PDE8A: variants seen among roughly 807,000 people sequenced by gnomAD.
PDE8A encodes high affinity cAMP-specific and IBMX-insensitive 3',5'-cyclic phosphodiesterase 8A.
A neutral mutation model predicts 105.0 loss-of-function variants in PDE8A; 59 were observed. The observed-to-expected ratio is 0.56, with a 90% confidence interval of 0.46 to 0.70. PDE8A has a LOEUF of 0.70. Among genes scored for constraint, PDE8A ranks in the 30% least tolerant of loss-of-function variants. The probability of loss-of-function intolerance (pLI) is 0.00; values close to 1 mark genes in which losing one functional copy is unlikely to be tolerated. For synonymous variants in PDE8A, 355 were observed against 371.9 expected, an observed-to-expected ratio of 0.95 and a Z score of 0.52; for missense variants, 1,014 against 1,045.9, an observed-to-expected ratio of 0.97 and a Z score of 0.42.
At chr15:85,026,296 A>G (rs289398) in intron 1 of PDE8A, among the ~76,000 whole-genome samples, 114,376 of 151,200 alleles carry the variant, frequency 0.76, 44,246 homozygotes, top group Non-Finnish European at 0.85. Context: ...GATCATTTGG[A>G]GGCTCTTTTA....
At chr15:85,057,294 A>T (rs2081076483) in intron 1 of PDE8A, among the ~76,000 whole-genome samples, 1 of 152,126 alleles carries the variant, frequency 6.6e-6, no homozygotes. Context: ...CTGTTCTCAG[A>T]TCTCGAACTC....
Position 84,982,068 on chromosome 15 carries a change from G to C in PDE8A, c.-95G>C. The stretch of plus-strand genomic sequence containing the variant: ...CGCCGCCGCCCGCCCAGGCGGCGAT[G>C]ACACGGCGCCCGCGGCGGCCCGGAG... On this transcript the variant is annotated 5_prime_UTR_variant, in exon 1 of 22. An upstream start codon of the reference 5' UTR is lost. Transcript: ENST00000394553. 1 of 744,240 alleles carries C rather than the reference G, an allele frequency of 1.3e-6. No individual in the cohort carries two copies. Among genetic ancestry groups the C allele is most frequent in the Non-Finnish European group, 1.8e-6 (1 of 557,414 alleles). The allele number at this position is 744,240 out of a possible 1,614,324, so 46.1% of individuals were successfully genotyped here. A position where few individuals can be genotyped will look rare whatever the true frequency, so the allele number is the denominator to read the frequency against.
intron 1 of PDE8A, among the ~76,000 whole-genome samples, chr15:85,051,726 T>A (rs1342247488): frequency 6.6e-6 from 1 of 152,036 alleles, no homozygotes; most frequent in Non-Finnish European, 1.5e-5. Context: ...TGGTTTTCTG[T>A]GCCTGTTAGT....
chr15:85,050,518 C>T (rs1043737860), intron 1 of PDE8A, among the ~76,000 whole-genome samples: 1 of 152,152 alleles, frequency 6.6e-6, no homozygotes, highest in Non-Finnish European at 1.5e-5. Flanking sequence ...GGTCCAACTT[C>T]ATTCTTTGGA....
At chr15:85,039,353 C>T (rs1046990834) in intron 1 of PDE8A, among the ~76,000 whole-genome samples, 7 of 151,452 alleles carry the variant, frequency 4.6e-5, no homozygotes, top group African/African-American at 1.7e-4. Context: ...TGCTTGAGCC[C>T]GGGAGGTTGA....
intron 1 of PDE8A, among the ~76,000 whole-genome samples, chr15:85,035,008 G>A (rs780873856): frequency 6.6e-6 from 1 of 152,012 alleles, no homozygotes; most frequent in Non-Finnish European, 1.5e-5. Context: ...CCTCTACAAG[G>A]GGTAACAGAA....
intron 1 of PDE8A, among the ~76,000 whole-genome samples, chr15:85,040,612 G>C (rs1313583737): frequency 2.0e-5 from 3 of 149,244 alleles, no homozygotes; most frequent in East Asian, 3.9e-4. Flanking sequence ...CCAGGCAGGA[G>C]TGCAGTGGTG....
At chr15:85,099,839 G>A (rs2081828170) in intron 9 of PDE8A, 176 bp from the exon 10 acceptor site, 2 of 606,188 alleles carry the variant, frequency 3.3e-6, no homozygotes, top group Admixed American at 3.2e-5. Flanking sequence ...GACGCCAAAG[G>A]ATGTTTGTGA....
intron 1 of PDE8A, among the ~76,000 whole-genome samples, chr15:85,052,830 A>G (rs1237397137): frequency 6.6e-6 from 1 of 152,170 alleles, no homozygotes; most frequent in Non-Finnish European, 1.5e-5. Context: ...TAGTTTAATT[A>G]GATCCCATTT....
Position 85,110,485 on chromosome 15 carries a change from T to C in PDE8A, c.1114+1355T>C, listed in dbSNP as rs895395935. On this transcript the variant is annotated intron_variant, in intron 12 of 21. Coordinates refer to ENST00000394553, the MANE Select transcript of PDE8A (RefSeq NM_002605.3). ...ATTATTAACCATGCAGAAGCAACCA[T>C]TGATGGCTAGCACCGTAAATTAATT... Among the ~76,000 whole-genome samples, 20 of 152,322 alleles carry C rather than the reference T, an allele frequency of 1.3e-4. No individual in the cohort carries two copies. The East Asian group carries it at 3.9e-3, about 29-fold the overall frequency.
intron 9 of PDE8A, among the ~76,000 whole-genome samples, chr15:85,098,778 A>C (rs925910686): frequency 1.2e-4 from 18 of 152,098 alleles, no homozygotes; most frequent in Non-Finnish European, 2.4e-4. Flanking sequence ...TGAGCAATAT[A>C]GTGAGACCCC....
At chr15:84,981,109 A>G (rs1226808748), upstream of PDE8A, among the ~76,000 whole-genome samples, 1 of 152,204 alleles carries the variant, frequency 6.6e-6, no homozygotes, top group Non-Finnish European at 1.5e-5. Context: ...GAGGTCAAGT[A>G]GCCGCTAAGT....
intron 1 of PDE8A, among the ~76,000 whole-genome samples, chr15:85,016,258 A>G (rs1828406395): frequency 6.6e-6 from 1 of 152,214 alleles, no homozygotes; most frequent in African/African-American, 2.4e-5. Context: ...CATAATGGGA[A>G]AGCTTTCCAT....
intron 11 of PDE8A, among the ~76,000 whole-genome samples, chr15:85,104,806 A>T (rs764278959): frequency 2.0e-5 from 3 of 152,186 alleles, no homozygotes; most frequent in Non-Finnish European, 4.4e-5. Context: ...TGAAGAGAGA[A>T]AGTGAGGCAG....
intron 6 of PDE8A, among the ~76,000 whole-genome samples, chr15:85,087,302 A>G (rs1351891591): frequency 6.6e-6 from 1 of 152,158 alleles, no homozygotes; most frequent in East Asian, 1.9e-4. Context: ...TCTTGGGCTC[A>G]AGCAGTCCTC....
At chr15:85,076,437 TAGG>T (rs1165784426) in intron 4 of PDE8A, among the ~76,000 whole-genome samples, 1 of 151,668 alleles carries the variant, frequency 6.6e-6, no homozygotes, top group Non-Finnish European at 1.5e-5. Context: ...TAGAAGAAAA[TAGG>T]AGTAGTTTAA....
chr15:85,040,370 T>TAAAAAAAAA (rs35955528), intron 1 of PDE8A, among the ~76,000 whole-genome samples: 2 of 103,720 alleles, frequency 1.9e-5, no homozygotes, highest in Non-Finnish European at 2.0e-5. Context: ...ACCTCTTCTC[T>TAAAAAAAAA]AAAAAAAAAA....
intron 11 of PDE8A, among the ~76,000 whole-genome samples, chr15:85,107,767 G>T (rs1212760120): frequency 1.3e-5 from 2 of 152,220 alleles, no homozygotes; most frequent in East Asian, 3.8e-4. Context: ...AAGTTAAGAT[G>T]TAAGTCTGGA....
intron 1 of PDE8A, among the ~76,000 whole-genome samples, chr15:84,988,029 T>C (rs2142144968): frequency 6.6e-6 from 1 of 152,300 alleles, no homozygotes; most frequent in East Asian, 1.9e-4. Flanking sequence ...TTCATATTAA[T>C]AATAGCCACC....
Sources: allele counts gnomAD v4.1 joint callset (sites outside exome capture counted in the v4.1 genomes callset), GRCh38; gene constraint gnomAD v4.1.1; transcripts MANE v1.5; gene names NCBI Gene and HGNC (gene_info 2026-07-23, HGNC 2026-07-21).